The following DNAJC12 variants were observed in gnomAD, a reference collection of about 807,000 sequenced individuals.
DNAJC12 encodes the protein DnaJ heat shock protein family (Hsp40) member C12.
A neutral mutation model predicts 28.5 loss-of-function variants in DNAJC12; 25 were observed. The observed-to-expected ratio is 0.88, with a 90% CI of 0.64 to 1.22. DNAJC12 has a LOEUF of 1.22. DNAJC12 is among the 50% of genes most tolerant of loss of function. DNAJC12 has a pLI of 0.00. For synonymous variants in DNAJC12, 77 were observed against 80.6 expected (o/e 0.95, Z 0.24); for missense variants, 222 against 231.7 (o/e 0.96, Z 0.27).
intron 2 of DNAJC12, among the ~76,000 whole-genome samples, chr10:67,819,761 A>AGGGAGGGAGGGAGG (rs1447793271): frequency 6.2e-5 from 1 of 16,092 alleles, no homozygotes; most frequent in Non-Finnish European, 1.5e-4. Context: ...GAAGGAAGGA[A>AGGGAGGGAGGGAGG]GGAAGGAAGG....
intron 2 of DNAJC12, among the ~76,000 whole-genome samples, chr10:67,818,513 A>AT (rs1202513263): frequency 6.6e-6 from 1 of 152,192 alleles, no homozygotes; most frequent in Non-Finnish European, 1.5e-5. Flanking sequence ...AATGGCAATA[A>AT]TTACACAGTG....
chr10:67,809,880 C>T (rs1271920632), intron 3 of DNAJC12, among the ~76,000 whole-genome samples: 1 of 152,090 alleles, frequency 6.6e-6, no homozygotes. Flanking sequence ...TAAAAAACTA[C>T]ATAATGGGTA....
chr10:67,836,886 T>A (rs1842146938), intron 1 of DNAJC12, among the ~76,000 whole-genome samples: 1 of 150,750 alleles, frequency 6.6e-6, no homozygotes, highest in Non-Finnish European at 1.5e-5. Context: ...TACTTAGATT[T>A]TAATAAAAAT....
At chr10:67,833,706 T>C in intron 1 of DNAJC12, 1 of 371,490 alleles carries the variant, frequency 2.7e-6, no homozygotes, top group Non-Finnish European at 5.4e-6. Context: ...TGGGCCATGA[T>C]CTCTGGGCTG....
chr10:67,821,019 G>T (rs1841976672), intron 2 of DNAJC12, among the ~76,000 whole-genome samples: 1 of 151,592 alleles, frequency 6.6e-6, no homozygotes, highest in Admixed American at 6.6e-5. Context: ...CCGACCTCAG[G>T]TGGTCCACCC....
At chr10:67,826,252 A>G (rs1279620741) in intron 1 of DNAJC12, among the ~76,000 whole-genome samples, 1 of 150,330 alleles carries the variant, frequency 6.7e-6, no homozygotes, top group Non-Finnish European at 1.5e-5. Flanking sequence ...CTCCCATGTC[A>G]GCCTCCCAAA....
chr10:67,798,758 C>CTTTT (rs377308990), intron 4 of DNAJC12, among the ~76,000 whole-genome samples: 2,860 of 131,962 alleles, frequency 0.022, 91 homozygotes, highest in African/African-American at 0.061. Context: ...TGTGATTTTC[C>CTTTT]TTTTTTTTTT....
intron 2 of DNAJC12, among the ~76,000 whole-genome samples, chr10:67,820,141 C>T (rs1841968473): frequency 6.6e-6 from 1 of 152,082 alleles, no homozygotes; most frequent in South Asian, 2.1e-4. Flanking sequence ...AAGCATCAAG[C>T]ATAGAGGGCT....
Position 67,796,821 on chromosome 10 carries a change from G to C in DNAJC12, c.*295C>G, listed in dbSNP as rs16924882. The C allele has an allele frequency of 6.8e-5, 15 of 220,772 alleles. No homozygotes were observed. In the East Asian group the frequency reaches 1.4e-3, roughly 21 times the overall value. 13.7% of individuals were successfully genotyped at this position (220,772 alleles called of 1,614,324 possible). On this transcript the variant is annotated 3_prime_UTR_variant, in exon 5 of 5. Coordinates refer to ENST00000225171, the MANE Select transcript of DNAJC12 (RefSeq NM_021800.3). ...ATGAAATATTTAAATACACTGTACAGAGATTGCTTTTTAATGGATTTCTAT... is the reference window on the plus strand; with the variant it reads ...ATGAAATATTTAAATACACTGTACACAGATTGCTTTTTAATGGATTTCTAT...
intron 3 of DNAJC12, chr10:67,808,604 A>AAAAC (rs1841827045): frequency 6.6e-6 from 1 of 150,836 alleles, no homozygotes; most frequent in African/African-American, 2.5e-5. Context: ...GCATTCCATT[A>AAAAC]AAACACACAC....
chr10:67,811,495 A>AT, intron 3 of DNAJC12, 29 bp downstream of exon 3: 1 of 1,613,282 alleles, frequency 6.2e-7, no homozygotes, highest in Non-Finnish European at 8.5e-7. Context: ...AGCTTCACAA[A>AT]TTCACGTCGC....
At chr10:67,819,779 GGGAAGGAAGGAAGGAA>G (rs144881348) in intron 2 of DNAJC12, among the ~76,000 whole-genome samples, 13 of 13,374 alleles carry the variant, frequency 9.7e-4, no homozygotes, top group African/African-American at 2.5e-3. Context: ...AGGAAGGAAG[GGGAAGGAAGGAAGGAA>G]GGAAGGAAGG....
chr10:67,812,800 C>T lies in DNAJC12; in HGVS notation c.158-1137G>A, dbSNP rs539053624. Among the ~76,000 whole-genome samples the T allele has an allele frequency of 7.8e-4, 118 of 150,448 alleles. 5 individuals carry two copies. In the South Asian group the frequency reaches 0.024, roughly 31 times the overall value. The stretch of plus-strand genomic sequence containing the variant: ...CTGGGAGGCAGAGGTTGCAGTGAGC[C>T]GAGATTGTGCCACTGGACTCCAGCC... On this transcript the variant is annotated intron_variant, in intron 2 of 4. Coordinates refer to ENST00000225171, the MANE Select transcript of DNAJC12 (RefSeq NM_021800.3).
chr10:67,806,208 A>G (rs200476858), intron 3 of DNAJC12, among the ~76,000 whole-genome samples: 1 of 152,194 alleles, frequency 6.6e-6, no homozygotes, highest in East Asian at 1.9e-4. Context: ...TTAAAACCTC[A>G]TCGGGATATT....
intron 1 of DNAJC12, 134 bp downstream of exon 1, chr10:67,837,800 T>C: frequency 1.7e-6 from 1 of 593,376 alleles, no homozygotes; most frequent in South Asian, 2.5e-5. Flanking sequence ...GAGCCAAAAG[T>C]GCTTTAAAAC....
intron 1 of DNAJC12, among the ~76,000 whole-genome samples, chr10:67,826,904 A>C (rs1029789226): frequency 2.6e-4 from 34 of 129,022 alleles, no homozygotes; most frequent in Non-Finnish European, 4.4e-4. Flanking sequence ...ATTATATGTC[A>C]TTATATATGA....
chr10:67,825,062 T>A (rs796407594), intron 1 of DNAJC12, among the ~76,000 whole-genome samples: 1 of 152,152 alleles, frequency 6.6e-6, no homozygotes, highest in South Asian at 2.1e-4. Context: ...ATCCCAGTTC[T>A]GCTACAAGGC....
At chr10:67,831,772 GT>G (rs1477164803) in intron 1 of DNAJC12, among the ~76,000 whole-genome samples, 1 of 152,016 alleles carries the variant, frequency 6.6e-6, no homozygotes, top group Non-Finnish European at 1.5e-5. Context: ...GTTTTGTTTT[GT>G]TTTGTTCCCC....
At chr10:67,809,954 C>G (rs1198366727) in intron 3 of DNAJC12, among the ~76,000 whole-genome samples, 1 of 152,138 alleles carries the variant, frequency 6.6e-6, no homozygotes, top group African/African-American at 2.4e-5. Flanking sequence ...TACAATTCAT[C>G]CATGTGTCTA....
Sources: gnomAD v4.1 joint callset for allele counts (sites outside exome capture counted in the v4.1 genomes callset) on GRCh38, gnomAD v4.1.1 for gene constraint, MANE v1.5 for transcripts, NCBI Gene and HGNC (gene_info 2026-07-23, HGNC 2026-07-21) for gene names.